Variants in MOBP observed in about 807,000 individuals in gnomAD.
The protein encoded by MOBP is myelin associated oligodendrocyte basic protein.
In MOBP, 5 loss-of-function variants were observed where a neutral mutation model predicts 15.0. That is an observed-to-expected ratio of 0.33 (90% CI 0.17 to 0.70). The LOEUF is 0.70. MOBP is among the 30% of genes least tolerant of loss of function. The probability of loss-of-function intolerance (pLI) is 0.67; values close to 1 mark genes in which losing one functional copy is unlikely to be tolerated. For missense variants in MOBP, 188 were observed against 257.8 expected, an observed-to-expected ratio of 0.73 and a Z score of 1.85; for synonymous variants, 88 against 99.0, an observed-to-expected ratio of 0.89 and a Z score of 0.66.
intron 2 of MOBP, among the ~76,000 whole-genome samples, chr3:39,490,086 A>C (rs770837653): frequency 2.0e-5 from 3 of 152,268 alleles, no homozygotes; most frequent in Admixed American, 6.5e-5. Context: ...CTCCCCACTT[A>C]TCTTCTCTTC....
chr3:39,487,903 G>A (rs921158904), intron 2 of MOBP, among the ~76,000 whole-genome samples: 3 of 152,098 alleles, frequency 2.0e-5, no homozygotes, highest in African/African-American at 7.2e-5. Context: ...AAGACTGTTG[G>A]TGATTTTAGT....
At chr3:39,485,684 T>C (rs1316419181) in intron 2 of MOBP, among the ~76,000 whole-genome samples, 10 of 152,140 alleles carry the variant, frequency 6.6e-5, no homozygotes, top group Admixed American at 6.5e-4. Context: ...CCTGTGGGCG[T>C]TCCTCTCACC....
intron 1 of MOBP, among the ~76,000 whole-genome samples, chr3:39,474,919 T>C (rs2125625399): frequency 6.6e-6 from 1 of 152,342 alleles, no homozygotes; most frequent in East Asian, 1.9e-4. Context: ...CGTAACTGTG[T>C]AGCACAACTA....
intron 2 of MOBP, among the ~76,000 whole-genome samples, chr3:39,485,285 G>A (rs2042684727): frequency 6.6e-6 from 1 of 152,178 alleles, no homozygotes; most frequent in South Asian, 2.1e-4. Flanking sequence ...CAACCTTGGG[G>A]TCCTACATTT....
downstream of MOBP, among the ~76,000 whole-genome samples, chr3:39,503,869 A>G (rs1232819846): frequency 6.6e-6 from 1 of 152,116 alleles, no homozygotes; most frequent in Non-Finnish European, 1.5e-5. Flanking sequence ...TAGTAGGAAG[A>G]AGAGTCAATG....
At chr3:39,475,200 A>G (rs2042528391) in intron 1 of MOBP, among the ~76,000 whole-genome samples, 1 of 152,162 alleles carries the variant, frequency 6.6e-6, no homozygotes, top group African/African-American at 2.4e-5. Flanking sequence ...TCTCATGATT[A>G]GGTTGAAGTT....
intron 1 of MOBP, among the ~76,000 whole-genome samples, chr3:39,470,930 C>T (rs2042460159): frequency 6.6e-6 from 1 of 152,148 alleles, no homozygotes; most frequent in Admixed American, 6.5e-5. Flanking sequence ...AACAAATCCA[C>T]TCACCAGGCT....
Position 39,502,868 on chromosome 3 carries a change from T to A in MOBP, c.540T>A (p.Ser180=). The change falls in exon 4 of 4, where the codon TCT becomes TCA. Residue 180 remains serine, a synonymous_variant. Transcript: ENST00000684792. This position sits in a 1 kb window ranked among gnomAD's most constrained non-coding sequence, Gnocchi z 6.3. ...GTGGGGGGTCCCCCGTCAAAGCTTC[T>A]AGGTTCTGGTAACACCATCTCTTCC... ...ASRGGSPVKA[S]RFW The A allele has an allele frequency of 1.5e-6, 2 of 1,313,502 alleles. No homozygotes were observed. Among genetic ancestry groups the A allele is most frequent in the Non-Finnish European group, 2.1e-6 (2 of 965,812 alleles). The allele number at this position is 1,313,502 out of a possible 1,614,324, so 81.4% of individuals were successfully genotyped here.
intron 1 of MOBP, among the ~76,000 whole-genome samples, chr3:39,473,503 C>T (rs1197340072): frequency 6.6e-6 from 1 of 152,188 alleles, no homozygotes; most frequent in African/African-American, 2.4e-5. Flanking sequence ...TGAATAATTT[C>T]ATGGGGCTCT....
At chr3:39,485,463 T>A (rs590805) in intron 2 of MOBP, among the ~76,000 whole-genome samples, 5 of 152,084 alleles carry the variant, frequency 3.3e-5, no homozygotes, top group African/African-American at 1.2e-4. Flanking sequence ...AATTACTCTT[T>A]GGGAAACATG....
chr3:39,508,601 G>A (rs1270829854), intron 4 of MOBP, among the ~76,000 whole-genome samples: 1 of 151,186 alleles, frequency 6.6e-6, no homozygotes, highest in Non-Finnish European at 1.5e-5. Flanking sequence ...CCAGGCTGGA[G>A]TGCAATGGCA....
At chr3:39,480,733 G>A (rs1283081573) in intron 2 of MOBP, among the ~76,000 whole-genome samples, 1 of 152,126 alleles carries the variant, frequency 6.6e-6, no homozygotes, top group Non-Finnish European at 1.5e-5. Context: ...TTTTTACTGG[G>A]CTGCCCACTC....
exon 5 of MOBP, chr3:39,524,868 G>A (rs1054530143): frequency 6.6e-6 from 1 of 151,832 alleles, no homozygotes; most frequent in African/African-American, 2.4e-5. Context: ...TTAAATAGAA[G>A]GTAAAACAAA....
chr3:39,526,016 T>A (rs928784367), downstream of MOBP: 1 of 152,364 alleles, frequency 6.6e-6, no homozygotes, highest in Non-Finnish European at 1.5e-5. Context: ...ATTACATTCC[T>A]GGGAATAACA....
At chr3:39,483,890 G>A (rs1287470884) in intron 2 of MOBP, among the ~76,000 whole-genome samples, 1 of 152,164 alleles carries the variant, frequency 6.6e-6, no homozygotes, top group Non-Finnish European at 1.5e-5. Flanking sequence ...CCTGACAAAA[G>A]CAGCCCGAGT....
At chr3:39,469,178 A>ATG (rs369185818) in intron 1 of MOBP, among the ~76,000 whole-genome samples, 1 of 77,192 alleles carries the variant, frequency 1.3e-5, no homozygotes, top group Non-Finnish European at 2.3e-5. Context: ...ACATATATAC[A>ATG]TGTGTGTGTG....
chr3:39,520,720 GTA>G (rs373834953), downstream of MOBP, among the ~76,000 whole-genome samples: 228 of 152,144 alleles, frequency 1.5e-3, no homozygotes, highest in African/African-American at 5.2e-3. Flanking sequence ...CTTCAATTCC[GTA>G]TGTCTCCTTG....
intron 2 of MOBP, among the ~76,000 whole-genome samples, chr3:39,484,813 G>A (rs908155395): frequency 4.6e-5 from 7 of 152,196 alleles, no homozygotes; most frequent in African/African-American, 1.7e-4. Flanking sequence ...CCTTAGAATA[G>A]CTGGAAGCAG....
intron 1 of MOBP, among the ~76,000 whole-genome samples, chr3:39,475,532 T>A (rs951700750): frequency 2.6e-5 from 4 of 152,214 alleles, no homozygotes; most frequent in Non-Finnish European, 4.4e-5. Flanking sequence ...TCTCATTACT[T>A]CTACATTCAT....
Sources: gnomAD v4.1 joint callset for allele counts (sites outside exome capture counted in the v4.1 genomes callset) on GRCh38, gnomAD v4.1.1 for gene constraint, Gnocchi (gnomAD v3.1) non-coding constraint, MANE v1.5 for transcripts, NCBI Gene and HGNC (gene_info 2026-07-23, HGNC 2026-07-21) for gene names.